Variants in TTC7A observed in about 807,000 individuals in gnomAD.
TTC7A encodes tetratricopeptide repeat protein 7A.
A neutral mutation model predicts 103.7 loss-of-function variants in TTC7A; 110 were observed. The ratio of observed to expected loss-of-function variants is 1.06; its 90% CI spans 0.91 to 1.24. The LOEUF (loss-of-function observed/expected upper bound fraction) is 1.24, where lower values mean the gene tolerates loss of function less well. Among genes scored for constraint, TTC7A ranks in the 50% most tolerant of loss-of-function variants. The pLI is 0.00. For missense variants in TTC7A, 1,340 were observed against 1,116.3 expected, an observed-to-expected ratio of 1.20 and a Z score of -2.86; for synonymous variants, 521 against 467.9, an observed-to-expected ratio of 1.11 and a Z score of -1.47.
At chr2:47,008,462 A>G (rs930333790) in intron 10 of TTC7A, among the ~76,000 whole-genome samples, 10 of 152,222 alleles carry the variant, frequency 6.6e-5, no homozygotes, top group African/African-American at 2.4e-4. Context: ...CCATCCCAGC[A>G]TCCAGGGAGC....
chr2:46,925,490 G>A (rs1032236575), intron 2 of TTC7A, among the ~76,000 whole-genome samples: 1 of 152,058 alleles, frequency 6.6e-6, no homozygotes, highest in African/African-American at 2.4e-5. Flanking sequence ...CCTGGGAGGC[G>A]GAGGTTGCAG....
At chr2:47,050,176 G>T (rs906174887) in intron 17 of TTC7A, 130 bp downstream of exon 17, 28 of 756,976 alleles carry the variant, frequency 3.7e-5, no homozygotes, top group Non-Finnish European at 5.1e-5. Flanking sequence ...CTCCTTGCCA[G>T]CTCGGGCAAC....
chr2:47,058,430 G>A (rs1330983840), intron 18 of TTC7A, among the ~76,000 whole-genome samples: 10 of 152,250 alleles, frequency 6.6e-5, no homozygotes, highest in Admixed American at 6.5e-4. Context: ...GTTTTAGTTA[G>A]GCCTCTCCTG....
chr2:47,008,314 G>A lies in TTC7A; in HGVS notation c.1287+1590G>A, dbSNP rs182574709. Among the ~76,000 whole-genome samples the A allele has an allele frequency of 2.2e-3, 329 of 152,272 alleles. 2 individuals are homozygous for A. The highest frequency in any genetic ancestry group is 0.015 in the Admixed American group (237 of 15,304). On this transcript the variant is annotated intron_variant, in intron 10 of 19. Transcript: ENST00000319190. ...TCCTGCTCAGAAAAATTCACTGCAC[G>A]TGCAAGTTAGCTTTAAATCCGAGAG... is the stretch of plus-strand genomic sequence containing the variant.
chr2:46,952,683 T>A (rs1342892920), intron 2 of TTC7A, among the ~76,000 whole-genome samples: 1 of 152,030 alleles, frequency 6.6e-6, no homozygotes, highest in East Asian at 1.9e-4. Flanking sequence ...GCCTAGGAGG[T>A]TGGGGCTGCA....
intron 1 of TTC7A, chr2:46,917,069 C>T: frequency 4.7e-6 from 3 of 639,928 alleles, no homozygotes; most frequent in East Asian, 2.8e-5. Context: ...AGTTGCCTAA[C>T]GCCACTGCCA....
At chr2:46,938,931 A>G (rs1670112366), upstream of TTC7A, among the ~76,000 whole-genome samples, 1 of 151,782 alleles carries the variant, frequency 6.6e-6, no homozygotes, top group Non-Finnish European at 1.5e-5. Flanking sequence ...GAATTGCTTG[A>G]ACCTGGGAGG....
At chr2:46,943,072 AT>A (rs1670592427) in intron 1 of TTC7A, among the ~76,000 whole-genome samples, 1 of 151,920 alleles carries the variant, frequency 6.6e-6, no homozygotes, top group South Asian at 2.1e-4. Flanking sequence ...TGCCCGGCTA[AT>A]TTTTGCAGTT....
chr2:47,051,961 G>C, intron 18 of TTC7A, 81 bp downstream of exon 18: 1 of 1,491,736 alleles, frequency 6.7e-7, no homozygotes, highest in African/African-American at 1.4e-5. Context: ...GGAGAAGGGA[G>C]TGTGGGGAGG....
At chr2:46,948,689 G>C (rs1169786529) in intron 1 of TTC7A, among the ~76,000 whole-genome samples, 1 of 151,996 alleles carries the variant, frequency 6.6e-6, no homozygotes. Flanking sequence ...TGAACTCCTG[G>C]GCTTGAGCAA....
At chr2:47,061,201 T>C (rs1407450293) in intron 19 of TTC7A, among the ~76,000 whole-genome samples, 1 of 152,168 alleles carries the variant, frequency 6.6e-6, no homozygotes, top group East Asian at 1.9e-4. Context: ...TCAGGGTCTG[T>C]GTTGATGACA....
intron 5 of TTC7A, among the ~76,000 whole-genome samples, chr2:46,979,528 C>T (rs750108271): frequency 6.6e-6 from 1 of 152,108 alleles, no homozygotes; most frequent in Admixed American, 6.5e-5. Context: ...AACCATAGTG[C>T]CTGGAATGCC....
At chr2:46,917,889 C>A (rs932083374) in intron 2 of TTC7A, among the ~76,000 whole-genome samples, 1 of 152,200 alleles carries the variant, frequency 6.6e-6, no homozygotes, top group Non-Finnish European at 1.5e-5. Flanking sequence ...CTACCTCACT[C>A]ATTATCCTTT....
At chr2:47,053,059 G>T (rs1163035034) in intron 18 of TTC7A, among the ~76,000 whole-genome samples, 1 of 152,114 alleles carries the variant, frequency 6.6e-6, no homozygotes, top group Non-Finnish European at 1.5e-5. Context: ...CCCACTGTAG[G>T]TTCTGAATCT....
chr2:47,073,432 T>G (rs1337091254), intron 19 of TTC7A, among the ~76,000 whole-genome samples: 4 of 152,184 alleles, frequency 2.6e-5, no homozygotes. Context: ...GCCAGGTCTG[T>G]TGACTTGAAA....
At chr2:46,944,373 G>GGTTTTTTT (rs1558492867) in intron 1 of TTC7A, among the ~76,000 whole-genome samples, 8 of 95,970 alleles carry the variant, frequency 8.3e-5, no homozygotes, top group African/African-American at 3.7e-4. Flanking sequence ...TGGTATTTTG[G>GGTTTTTTT]GTTTTTTTTT....
At position 47,007,185 on chromosome 2, in the gene TTC7A, C is replaced by G. The variant is rs1677507829; in HGVS notation, c.1287+461C>G. Reference sequence around the variant, plus strand: ...AAGGGCAGAGCAGAACAGCAGCACCCACAAGGGAGTTCGGAGGGAGTACTG... The same window carrying G: ...AAGGGCAGAGCAGAACAGCAGCACCGACAAGGGAGTTCGGAGGGAGTACTG... On this transcript the variant is annotated intron_variant, in intron 10 of 19. Transcript: ENST00000319190. The surrounding 1 kb of genome is among the most constrained non-coding windows in gnomAD (Gnocchi z 4.9). 6.6e-6 allele frequency among the ~76,000 whole-genome samples: 1 copy of G among 152,048 alleles called. No homozygotes were observed. The highest frequency in any genetic ancestry group is 1.5e-5 in the Non-Finnish European group (1 of 68,010).
intron 11 of TTC7A, among the ~76,000 whole-genome samples, chr2:47,020,354 G>A (rs1157616935): frequency 2.0e-5 from 3 of 152,180 alleles, no homozygotes; most frequent in Non-Finnish European, 4.4e-5. Flanking sequence ...TGGCCTAGGA[G>A]ACAGATCTTA....
rs529573502 is a variant in TTC7A at position 47,020,093 on chromosome 2, G to C, written c.1393-1769G>C. 1.6e-4 allele frequency among the ~76,000 whole-genome samples: 25 copies of C among 152,264 alleles called. 1 individual carries two copies. Among genetic ancestry groups the C allele is most frequent in the African/African-American group, 5.8e-4 (24 of 41,540 alleles). Reference sequence around the variant, plus strand: ...TGCCAGGTGTGTGCCTCCTGTGTCAGCTCCTCCGCCAGGCCTAGCACAGGG... The same window carrying C: ...TGCCAGGTGTGTGCCTCCTGTGTCACCTCCTCCGCCAGGCCTAGCACAGGG... On this transcript the variant is annotated intron_variant, in intron 11 of 19. Coordinates refer to ENST00000319190, the MANE Select transcript of TTC7A (RefSeq NM_020458.4).
Sources: allele counts gnomAD v4.1 joint callset (sites outside exome capture counted in the v4.1 genomes callset), GRCh38; gene constraint gnomAD v4.1.1; non-coding constraint Gnocchi (gnomAD v3.1); transcripts MANE v1.5; gene names NCBI Gene and HGNC (gene_info 2026-07-23, HGNC 2026-07-21).